The following ANXA7 variants were observed in gnomAD, a reference collection of about 807,000 sequenced individuals.
The protein encoded by ANXA7 is annexin VII.
In ANXA7, 55 loss-of-function variants were observed where a neutral mutation model predicts 64.9. The ratio of observed to expected loss-of-function variants is 0.85; its 90% CI spans 0.68 to 1.06. ANXA7 has a LOEUF of 1.06. Among genes scored for constraint, ANXA7 ranks in the 50% least tolerant of loss-of-function variants. The pLI, the probability that ANXA7 is intolerant of heterozygous loss-of-function variation, is 0.00. For synonymous variants in ANXA7, 200 were observed against 192.4 expected, an observed-to-expected ratio of 1.04 and a Z score of -0.33; for missense variants, 548 against 582.1, an observed-to-expected ratio of 0.94 and a Z score of 0.60.
chr10:73,387,940 C>T (rs2055405079), intron 6 of ANXA7, among the ~76,000 whole-genome samples, 157 bp from the exon 7 acceptor site: 2 of 151,476 alleles, frequency 1.3e-5, no homozygotes, highest in Admixed American at 1.3e-4. Flanking sequence ...CAATCTCCAC[C>T]TCCCAGGTTC....
intron 2 of ANXA7, among the ~76,000 whole-genome samples, chr10:73,399,819 TCAAAAACAAAAA>T (rs549545581): frequency 2.4e-4 from 35 of 144,366 alleles, no homozygotes; most frequent in African/African-American, 1.1e-4. Context: ...AGACTCCATC[TCAAAAACAAAAA>T]CAAAAACAAA....
chr10:73,375,282 GA>G lies in ANXA7; in HGVS notation c.*812del, dbSNP rs2055152512. 1 of 152,096 alleles carries G rather than the reference GA, an allele frequency of 6.6e-6. No homozygotes were observed. Among genetic ancestry groups the G allele is most frequent in the South Asian group, 2.1e-4 (1 of 4,826 alleles). The allele number at this position is 152,096 out of a possible 1,614,324, so 9.4% of individuals were successfully genotyped here. ...CAGTATCTATAGTTAATAATGTACT[GA>G]ACACTTAAAATTTGCTAAGGTAGTA... is the stretch of plus-strand genomic sequence containing the variant. On this transcript the variant is annotated 3_prime_UTR_variant, in exon 13 of 13. Transcript: ENST00000372921.
Position 73,388,308 on chromosome 10 carries a change from T to G in ANXA7, c.538+4A>C. On this transcript the variant is annotated splice_donor_region_variant and intron_variant, in intron 6 of 12. Coordinates refer to ENST00000372921, the MANE Select transcript of ANXA7 (RefSeq NM_001156.5). ...TAAAAAAGACAAAAATTTGTTTTCC[T>G]TACCAAAACCCTTCATTGCCTTACG... 6.2e-7 allele frequency: 1 copy of G among 1,611,096 alleles called. No individual in the cohort carries two copies. The highest frequency in any genetic ancestry group is 1.3e-5 in the African/African-American group (1 of 74,958).
At chr10:73,399,210 C>A (rs184997426) in intron 2 of ANXA7, among the ~76,000 whole-genome samples, 3 of 152,070 alleles carry the variant, frequency 2.0e-5, no homozygotes, top group African/African-American at 7.2e-5. Context: ...AACAAAGCCT[C>A]GTCCCACCCA....
intron 5 of ANXA7, among the ~76,000 whole-genome samples, chr10:73,388,633 A>G (rs1023163679): frequency 1.3e-5 from 2 of 152,204 alleles, no homozygotes; most frequent in African/African-American, 4.8e-5. Flanking sequence ...AGATAGCCAG[A>G]CACCAAACTT....
chr10:73,404,813 C>T (rs1396097004), intron 1 of ANXA7, among the ~76,000 whole-genome samples: 2 of 152,042 alleles, frequency 1.3e-5, no homozygotes, highest in Non-Finnish European at 2.9e-5. Context: ...AGAATACCCT[C>T]TTAGCCTGAT....
intron 6 of ANXA7, 77 bp from the exon 7 acceptor site, chr10:73,387,860 T>TG: frequency 8.0e-7 from 1 of 1,248,842 alleles, no homozygotes; most frequent in Non-Finnish European, 1.1e-6. Flanking sequence ...TTTTTTTTTT[T>TG]TTTTTTTTGA....
intron 5 of ANXA7, among the ~76,000 whole-genome samples, chr10:73,393,813 T>A (rs1282107629): frequency 6.6e-6 from 1 of 152,088 alleles, no homozygotes; most frequent in African/African-American, 2.4e-5. Context: ...GGACTTCATG[T>A]CTAAAACACC....
intron 2 of ANXA7, among the ~76,000 whole-genome samples, chr10:73,399,859 T>C (rs12573034): frequency 0.16 from 22,905 of 139,872 alleles, 2,819 homozygotes; most frequent in African/African-American, 0.34. Flanking sequence ...AACTGAAATG[T>C]GGCCAGGCGC....
intron 2 of ANXA7, 36 bp downstream of exon 2, chr10:73,400,767 T>C: frequency 6.5e-7 from 1 of 1,549,466 alleles, no homozygotes; most frequent in Non-Finnish European, 8.8e-7. Context: ...ACAACACCTG[T>C]TTTAAGGATG....
In ANXA7 at chr10:73,398,510, T is replaced by A. The variant is rs2055612517; in HGVS notation, c.55-125A>T. The A allele has an allele frequency of 8.2e-6, 7 of 851,248 alleles. No individual in the cohort carries two copies. The Admixed American group carries it at 2.0e-4, about 24-fold the overall frequency. The allele number at this position is 851,248 out of a possible 1,614,324, so 52.7% of individuals were successfully genotyped here. A position where few individuals can be genotyped will look rare whatever the true frequency, so the allele number is the denominator to read the frequency against. On this transcript the variant is annotated intron_variant, in intron 2 of 12. Transcript: ENST00000372921. Reference sequence around the variant, plus strand: ...ATTCTTTTACTTTTTAAAAGTCCCATTAGAAATCCTGGTATCTTATACTAG... The same window carrying A: ...ATTCTTTTACTTTTTAAAAGTCCCAATAGAAATCCTGGTATCTTATACTAG...
chr10:73,379,519 G>A (rs906387102), intron 11 of ANXA7, among the ~76,000 whole-genome samples: 2 of 152,148 alleles, frequency 1.3e-5, no homozygotes, highest in Non-Finnish European at 2.9e-5. Context: ...ACTGCTTCGT[G>A]GTGACACTGT....
intron 1 of ANXA7, among the ~76,000 whole-genome samples, chr10:73,402,327 G>A (rs1308621345): frequency 3.8e-5 from 5 of 130,096 alleles, no homozygotes; most frequent in East Asian, 2.5e-4. Flanking sequence ...TCCCCACCCC[G>A]TAGCTGGGAC....
rs1554815379 is a variant in ANXA7 at position 73,377,773 on chromosome 10, G to GGGGTGT, written c.1278+1137_1278+1138insACACCC. On this transcript the variant is annotated intron_variant, in intron 12 of 12. Transcript: ENST00000372921. ...ACTACCATGCCGGGGGGTGGGTGTG[G>GGGGTGT]GTGTGTGTGTGTGTGTGTGTGTGTG... is the stretch of plus-strand genomic sequence containing the variant. Among the ~76,000 whole-genome samples the GGGGTGT allele has an allele frequency of 5.0e-4, 62 of 124,846 alleles. 4 individuals are homozygous for GGGGTGT. The highest frequency in any genetic ancestry group is 1.9e-3 in the African/African-American group (59 of 31,118). The allele number at this position is 124,846 out of a possible 152,430, so 81.9% of individuals were successfully genotyped here.
Position 73,406,040 on chromosome 10 carries a change from C to A in ANXA7, c.-1-5183G>T, listed in dbSNP as rs527524621. Among the ~76,000 whole-genome samples, 24 of 152,138 alleles carry A rather than the reference C, an allele frequency of 1.6e-4. No individual in the cohort carries two copies. In the South Asian group the frequency reaches 5.0e-3, roughly 32 times the overall value. ...GTGCAATCTCGGCTCACTGCAGCTTCCACCTCCTGGGTTCAAGCAATTCTC... is the reference window on the plus strand; with the variant it reads ...GTGCAATCTCGGCTCACTGCAGCTTACACCTCCTGGGTTCAAGCAATTCTC... On this transcript the variant is annotated intron_variant, in intron 1 of 12. Transcript: ENST00000372921.
At chr10:73,405,740 G>A (rs544055964) in intron 1 of ANXA7, among the ~76,000 whole-genome samples, 2 of 152,270 alleles carry the variant, frequency 1.3e-5, no homozygotes, top group East Asian at 3.9e-4. Context: ...AATGTTATTT[G>A]CAAGGCAAAA....
intron 5 of ANXA7, among the ~76,000 whole-genome samples, chr10:73,394,532 T>TA (rs2055538651): frequency 6.6e-6 from 1 of 152,050 alleles, no homozygotes; most frequent in Non-Finnish European, 1.5e-5. Context: ...TATGCAGCCA[T>TA]AAAAAGGATG....
intron 9 of ANXA7, among the ~76,000 whole-genome samples, chr10:73,380,602 C>T (rs2132653110): frequency 6.6e-6 from 1 of 152,154 alleles, no homozygotes; most frequent in Non-Finnish European, 1.5e-5. Flanking sequence ...AAGATTAATC[C>T]ATAATGTCTG....
At position 73,383,182 on chromosome 10, in the gene ANXA7, A is replaced by G. The variant is rs76038970; in HGVS notation, c.911T>C (p.Met304Thr). The G allele has an allele frequency of 2.9e-5, 46 of 1,612,410 alleles. No individual in the cohort carries two copies. In the East Asian group the frequency reaches 8.9e-4, roughly 31 times the overall value. Residue 304 changes from methionine (M) to threonine (T), a missense_variant, in exon 9 of 13, where the codon ATG (methionine) becomes ACG (threonine). By Grantham distance (81) the Met-to-Thr change is moderately conservative. Transcript: ENST00000372921. ...SGHFERLLVSMCQGNRDENQS... is the reference protein window; with the variant it reads ...SGHFERLLVSTCQGNRDENQS... Reference sequence around the variant, plus strand: ...CATTCATACTATACTCACCTGGCACATGGACACAAGTAAACGTTCAAAATG... The same window carrying G: ...CATTCATACTATACTCACCTGGCACGTGGACACAAGTAAACGTTCAAAATG...
Sources: gnomAD v4.1 joint callset for allele counts (sites outside exome capture counted in the v4.1 genomes callset) on GRCh38, gnomAD v4.1.1 for gene constraint, MANE v1.5 for transcripts, NCBI Gene and HGNC (gene_info 2026-07-23, HGNC 2026-07-21) for gene names.